ART3: variants seen among roughly 807,000 people sequenced by gnomAD.
ART3 encodes ecto-ADP-ribosyltransferase 3.
ART3 carries 49 observed loss-of-function variants against 48.5 expected under a neutral mutation model. The ratio of observed to expected loss-of-function variants is 1.01; its 90% confidence interval spans 0.80 to 1.28. The LOEUF is 1.28. Among genes scored for constraint, ART3 ranks in the 50% most tolerant of loss-of-function variants. The probability of loss-of-function intolerance (pLI) is 0.00; values close to 1 mark genes in which losing one functional copy is unlikely to be tolerated. For missense variants in ART3, 438 were observed against 454.3 expected, an observed-to-expected ratio of 0.96 and a Z score of 0.33; for synonymous variants, 145 against 157.2, an observed-to-expected ratio of 0.92 and a Z score of 0.58.
intron 1 of ART3, among the ~76,000 whole-genome samples, chr4:76,075,612 G>A (rs1720872212): frequency 6.6e-6 from 1 of 152,138 alleles, no homozygotes; most frequent in Middle Eastern, 3.2e-3. Context: ...CATGTCTGGA[G>A]GAGTATGGAA....
At chr4:76,101,135 T>G in intron 8 of ART3, 116 bp downstream of exon 8, 1 of 1,237,586 alleles carries the variant, frequency 8.1e-7, no homozygotes. Flanking sequence ...GAGCTCACCT[T>G]AGCTTACTGG....
chr4:76,107,895 G>A (rs1728779943), intron 11 of ART3, 102 bp downstream of exon 11: 1 of 942,310 alleles, frequency 1.1e-6, no homozygotes, highest in Non-Finnish European at 1.6e-6. Flanking sequence ...AAGTTGCAAG[G>A]TTTTAAGGCA....
In ART3 at chr4:76,018,392, C is replaced by G. The variant is rs558053305; in HGVS notation, c.-10+7072C>G. Among the ~76,000 whole-genome samples the G allele has an allele frequency of 2.0e-5, 3 of 152,092 alleles. No individual in the cohort carries two copies. The South Asian group carries it at 6.2e-4, about 32-fold the overall frequency. ...TAAGTGGGAACTGAACATTGAGTAC[C>G]CATGGACACAAAGAAGGCAACAATA... is the stretch of plus-strand genomic sequence containing the variant. On this transcript the variant is annotated intron_variant, in intron 1 of 9. Transcript: ENST00000341029.
intron 1 of ART3, among the ~76,000 whole-genome samples, chr4:76,015,201 A>T (rs1044348790): frequency 6.6e-6 from 1 of 152,184 alleles, no homozygotes; most frequent in Non-Finnish European, 1.5e-5. Flanking sequence ...TATGTGAATT[A>T]AAAAATGCAT....
intron 1 of ART3, among the ~76,000 whole-genome samples, chr4:76,069,341 C>G (rs1045995496): frequency 6.7e-6 from 1 of 150,052 alleles, no homozygotes; most frequent in Non-Finnish European, 1.5e-5. Context: ...CTGTATAGAT[C>G]TGTCTACTCT....
intron 1 of ART3, among the ~76,000 whole-genome samples, chr4:76,041,907 C>A (rs1033245936): frequency 6.6e-6 from 1 of 152,202 alleles, no homozygotes; most frequent in African/African-American, 2.4e-5. Flanking sequence ...GTCATTATAT[C>A]TCATTGCTCT....
At position 76,100,887 on chromosome 4, in the gene ART3, G is replaced by A. The variant is rs371466661; in HGVS notation, c.907+63G>A. Reference sequence around the variant, plus strand: ...TACAAGATACCTCCCTTTACAGGTGGGAATATTTTCATATTTACTGAAAAT... The same window carrying A: ...TACAAGATACCTCCCTTTACAGGTGAGAATATTTTCATATTTACTGAAAAT... On this transcript the variant is annotated intron_variant, in intron 7 of 11. Coordinates refer to ENST00000355810, the MANE Select transcript of ART3 (RefSeq NM_001130016.3). The A allele has an allele frequency of 2.9e-5, 46 of 1,600,168 alleles. No homozygotes were observed. The African/African-American group carries it at 5.3e-4, about 18-fold the overall frequency.
chr4:76,028,510 C>T (rs979063465), intron 1 of ART3, among the ~76,000 whole-genome samples: 5 of 152,146 alleles, frequency 3.3e-5, no homozygotes, highest in African/African-American at 4.8e-5. Context: ...TGAGCACAGA[C>T]GAAGGCAAAA....
intron 6 of ART3, 95 bp downstream of exon 6, chr4:76,100,415 G>T: frequency 8.1e-7 from 1 of 1,239,154 alleles, no homozygotes; most frequent in South Asian, 1.3e-5. Context: ...GGAGGATCAT[G>T]AGGTCAGGAG....
In ART3 at chr4:76,055,346, C is replaced by T. The variant is rs1197912034; in HGVS notation, c.-9-20535C>T. Among the ~76,000 whole-genome samples the T allele has an allele frequency of 5.3e-5, 8 of 152,124 alleles. No homozygotes were observed. In the South Asian group the frequency reaches 6.2e-4, roughly 12 times the overall value. ...TTTGTTTAATGTCTCCCATGTGGCACGTAATGTACATAGTGTCTCACTAGT... is the reference window on the plus strand; with the variant it reads ...TTTGTTTAATGTCTCCCATGTGGCATGTAATGTACATAGTGTCTCACTAGT... On this transcript the variant is annotated intron_variant, in intron 1 of 9. Coordinates refer to the ART3 transcript ENST00000341029.
At chr4:76,082,841 G>C (rs1220193177) in intron 3 of ART3, among the ~76,000 whole-genome samples, 1 of 152,072 alleles carries the variant, frequency 6.6e-6, no homozygotes, top group Non-Finnish European at 1.5e-5. Flanking sequence ...GGAAAAGGGG[G>C]ATTGCTACTG....
At chr4:76,027,850 G>A (rs180839397) in intron 1 of ART3, among the ~76,000 whole-genome samples, 2,757 of 149,488 alleles carry the variant, frequency 0.018, 43 homozygotes, top group Non-Finnish European at 0.026. Context: ...TTCCAGTCCA[G>A]AAATTCTCAT....
At chr4:76,058,267 A>C (rs1463300526) in intron 1 of ART3, among the ~76,000 whole-genome samples, 1 of 152,202 alleles carries the variant, frequency 6.6e-6, no homozygotes, top group Non-Finnish European at 1.5e-5. Flanking sequence ...TATTGTAACA[A>C]TGACTTTGTT....
chr4:76,093,232 G>C (rs891048281), intron 3 of ART3, among the ~76,000 whole-genome samples: 7 of 151,982 alleles, frequency 4.6e-5, no homozygotes, highest in Non-Finnish European at 1.0e-4. Context: ...GACCAGCCTG[G>C]GCAACATAGC....
intron 1 of ART3, among the ~76,000 whole-genome samples, chr4:76,066,381 C>T (rs1197438711): frequency 6.6e-6 from 1 of 152,098 alleles, no homozygotes; most frequent in Admixed American, 6.5e-5. Flanking sequence ...GGTAGCTCCC[C>T]TCTGTGGGCA....
Position 76,059,009 on chromosome 4 carries a change from G to A in ART3, c.-9-16872G>A, listed in dbSNP as rs1284862602. Among the ~76,000 whole-genome samples the A allele has an allele frequency of 2.0e-5, 3 of 152,216 alleles. No individual in the cohort carries two copies. In the East Asian group the frequency reaches 5.8e-4, roughly 29 times the overall value. ...TTGAAGTTTGCCTTATCTGAGCATA[G>A]GTTGAACAGCTGGCTGTCCTTGATT... On this transcript the variant is annotated intron_variant, in intron 1 of 9. Transcript: ENST00000341029.
chr4:76,078,326 AG>A (rs1335499677), intron 2 of ART3, among the ~76,000 whole-genome samples: 1 of 152,184 alleles, frequency 6.6e-6, no homozygotes. Flanking sequence ...GGAACATAGT[AG>A]ATCAACTCTG....
intron 1 of ART3, chr4:76,021,937 G>A (rs1348351557): frequency 6.2e-7 from 1 of 1,611,480 alleles, no homozygotes; most frequent in African/African-American, 1.3e-5. Flanking sequence ...GTTTTAAGGA[G>A]ATCTTTTAGA....
chr4:76,079,614 G>A (rs889843601), intron 2 of ART3, among the ~76,000 whole-genome samples: 3 of 152,134 alleles, frequency 2.0e-5, no homozygotes, highest in African/African-American at 7.2e-5. Context: ...ACATTTAATG[G>A]CTAACTGGAA....
Sources: gnomAD v4.1 joint callset for allele counts (sites outside exome capture counted in the v4.1 genomes callset) on GRCh38, gnomAD v4.1.1 for gene constraint, MANE v1.5 for transcripts, NCBI Gene and HGNC (gene_info 2026-07-23, HGNC 2026-07-21) for gene names.